ACOT9: variants seen among roughly 807,000 people sequenced by gnomAD.
ACOT9 encodes the protein acyl-coenzyme A thioesterase 9, mitochondrial.
In ACOT9, 34 loss-of-function variants were observed where a neutral mutation model predicts 39.7. The ratio of observed to expected loss-of-function variants is 0.86; its 90% CI spans 0.65 to 1.14. ACOT9 has a LOEUF of 1.14. Among genes scored for constraint, ACOT9 ranks in the 50% most tolerant of loss-of-function variants. The pLI is 0.00. For missense variants in ACOT9, 313 were observed against 344.1 expected, an observed-to-expected ratio of 0.91 and a Z score of 0.71; for synonymous variants, 110 against 120.5, an observed-to-expected ratio of 0.91 and a Z score of 0.57.
chrX:23,738,684 C>T (rs1459108154), intron 1 of ACOT9, among the ~76,000 whole-genome samples: 1 of 111,500 alleles, frequency 9.0e-6, no homozygotes, highest in Non-Finnish European at 1.9e-5. Flanking sequence ...CTTTCTATTG[C>T]TACCATTAGC....
chrX:23,730,718 A>G (rs979005464), intron 5 of ACOT9, 98 bp downstream of exon 5: 1 of 991,421 alleles, frequency 1.0e-6, no homozygotes, highest in Non-Finnish European at 1.4e-6. Flanking sequence ...GGAACTGTAC[A>G]CTTTAAACAG....
At chrX:23,704,337 ATTTTTTTTT>A (rs749027257) in intron 15 of ACOT9, among the ~76,000 whole-genome samples, 1 of 88,733 alleles carries the variant, frequency 1.1e-5, no homozygotes, top group Non-Finnish European at 2.2e-5. Context: ...TGCCCGGCTA[ATTTTTTTTT>A]TTTTTTTTTT....
chrX:23,743,038 C>T, intron 1 of ACOT9, 87 bp downstream of exon 1: 2 of 1,050,712 alleles, frequency 1.9e-6, no homozygotes, highest in Non-Finnish European at 2.5e-6. Flanking sequence ...CCCACTTCTT[C>T]CGCCGGGGCC....
In ACOT9 at chrX:23,705,559, G is replaced by A; in HGVS notation, c.969C>T (p.Phe323=). ...RNIFNRIFGG[F]LMRKAYELAW... ...CAAGTTCATATGCCTTCCTCATAAG[G>A]AAACCACCAAAGATCCGATTGAAAA... Residue 323 remains phenylalanine (F), a synonymous_variant, in exon 13 of 16, where the codon TTC becomes TTT. Coordinates refer to ENST00000379303, the MANE Select transcript of ACOT9 (RefSeq NM_001037171.2). The A allele has an allele frequency of 1.7e-6, 2 of 1,210,529 alleles. No individual in the cohort carries two copies. Among genetic ancestry groups the A allele is most frequent in the Non-Finnish European group, 2.2e-6 (2 of 894,954 alleles).
Position 23,703,962 on chromosome X carries a change from C to T in ACOT9, c.1279G>A (p.Gly427Arg). Reference sequence around the variant, plus strand: ...CTCATGGAGTTGAAATGCCGCTGCCCATCTAAGTACAACATGGACTCTGAA... The same window carrying T: ...CTCATGGAGTTGAAATGCCGCTGCCTATCTAAGTACAACATGGACTCTGAA... ...TYGESMLYLDGQRHFNSMSGP... is the reference protein window; with the variant it reads ...TYGESMLYLDRQRHFNSMSGP... The change falls in exon 16 of 16, where the codon GGG (glycine) becomes AGG (arginine). Residue 427 changes from glycine to arginine, a missense_variant. Gly to Arg is a moderately radical substitution (Grantham distance 125). Transcript: ENST00000379303. The T allele has an allele frequency of 8.3e-7, 1 of 1,209,991 alleles. No homozygotes were observed. Among genetic ancestry groups the T allele is most frequent in the Non-Finnish European group, 1.1e-6 (1 of 894,241 alleles).
At position 23,721,911 on chromosome X, in the gene ACOT9, T is replaced by C. The variant is rs1419779174; in HGVS notation, c.558A>G (p.Thr186=). The change falls in exon 8 of 16, where the codon ACA becomes ACG. Residue 186 remains threonine (T), a synonymous_variant. Coordinates refer to ENST00000379303, the MANE Select transcript of ACOT9 (RefSeq NM_001037171.2). ...FSGHVSWVGK[T]SMEVKMQMFQ... is the part of the protein sequence containing the mutation. ...ACATTTGCATCTTCACTTCCATGGA[T>C]GTCTTCCCGACCCAGCTAACATGGC... The C allele has an allele frequency of 4.1e-6, 5 of 1,209,261 alleles. No individual in the cohort carries two copies. The highest frequency in any genetic ancestry group is 2.2e-5 in the Admixed American group (1 of 45,621).
chrX:23,710,075 G>A (rs1928840691), intron 9 of ACOT9, among the ~76,000 whole-genome samples: 1 of 111,641 alleles, frequency 9.0e-6, no homozygotes, highest in Non-Finnish European at 1.9e-5. Context: ...ACTTTTAGTA[G>A]AGATGGGGAT....
At chrX:23,727,100 G>A (rs1022467833) in intron 6 of ACOT9, among the ~76,000 whole-genome samples, 8 of 112,497 alleles carry the variant, frequency 7.1e-5, no homozygotes, top group Non-Finnish European at 7.5e-5. Flanking sequence ...GATTACAGGC[G>A]TAAGCCACCC....
At chrX:23,717,857 G>A (rs1170802825) in intron 8 of ACOT9, among the ~76,000 whole-genome samples, 1 of 111,932 alleles carries the variant, frequency 8.9e-6, no homozygotes, top group African/African-American at 3.2e-5. Context: ...GGAGGCCGAG[G>A]CAGGCGGATC....
At chrX:23,733,065 G>A in intron 4 of ACOT9, 107 bp downstream of exon 4, 1 of 747,701 alleles carries the variant, frequency 1.3e-6, no homozygotes, top group South Asian at 2.6e-5. Context: ...ACCTATCTCT[G>A]AACATAGGGC....
chrX:23,734,013 G>A lies in ACOT9; in HGVS notation c.145+328C>T, dbSNP rs746360456. ...TGACCTCAGGTGATCCGCCTGCCTC[G>A]GCCTCCCAAAGTGCTGGGATTACAG... On this transcript the variant is annotated intron_variant, in intron 3 of 15. Transcript: ENST00000379303. Among the ~76,000 whole-genome samples, 6 of 111,424 alleles carry A rather than the reference G, an allele frequency of 5.4e-5. No individual in the cohort carries two copies. The South Asian group carries it at 1.1e-3, about 21-fold the overall frequency.
chrX:23,741,380 C>T (rs948568723), intron 1 of ACOT9, among the ~76,000 whole-genome samples: 21 of 109,388 alleles, frequency 1.9e-4, no homozygotes, highest in Admixed American at 1.4e-3. Context: ...AACTCAAGGC[C>T]TCCATGGCCT....
chrX:23,703,847 C>T lies in ACOT9; in HGVS notation c.*47G>A, dbSNP rs778599831. On this transcript the variant is annotated 3_prime_UTR_variant, in exon 16 of 16. Transcript: ENST00000379303. ...CACTCGATCAGGTCTTCATCAGATA[C>T]CACGTCACTGTGGGTAGAGTGCTAG... 14 of 1,065,544 alleles carry T rather than the reference C, an allele frequency of 1.3e-5. No individual in the cohort carries two copies. The highest frequency in any genetic ancestry group is 8.9e-5 in the Admixed American group (4 of 44,911). 87.8% of individuals were successfully genotyped at this position (1,065,544 alleles called of 1,213,427 possible).
rs1323910341 is a variant in ACOT9, at chrX:23,739,964, TA to T, written c.20+3160del. 7.2e-5 allele frequency among the ~76,000 whole-genome samples: 8 copies of T among 111,492 alleles called. No individual in the cohort carries two copies. In the Admixed American group the frequency reaches 7.7e-4, roughly 11 times the overall value. ...AGCCCCATTGCTTTGCATGCTGCCT[TA>T]AAAAATTTGGAAATACATTCCTGTG... On this transcript the variant is annotated intron_variant, in intron 1 of 15. Coordinates refer to ENST00000379303, the MANE Select transcript of ACOT9 (RefSeq NM_001037171.2).
Position 23,703,769 on chromosome X carries a change from C to T in ACOT9, c.*125G>A, listed in dbSNP as rs1928562051. ...TCTGCTTTTCTGATCATCCTAAAGG[C>T]TGAATACATCCTCCTCCTGTGTGGA... On this transcript the variant is annotated 3_prime_UTR_variant, in exon 16 of 16. Transcript: ENST00000379303. 1.9e-6 allele frequency: 1 copy of T among 517,722 alleles called. No individual in the cohort carries two copies. The highest frequency in any genetic ancestry group is 3.2e-5 in the South Asian group (1 of 30,922). 42.7% of individuals were successfully genotyped at this position (517,722 alleles called of 1,213,427 possible).
rs1928567711 is a variant in ACOT9, at chrX:23,703,898, G to A, written c.1343C>T (p.Pro448Leu). The A allele has an allele frequency of 8.3e-7, 1 of 1,208,846 alleles. No homozygotes were observed. The highest frequency in any genetic ancestry group is 1.8e-5 in the South Asian group (1 of 56,859). ...TTTTCAACAAATGTGGTGTTCTTAGGGCTCCACAAGGTAGTCCTTTCTCAA... is the reference window on the plus strand; with the variant it reads ...TTTTCAACAAATGTGGTGTTCTTAGAGCTCCACAAGGTAGTCCTTTCTCAA... Reference protein sequence around the residue: ...ATLRKDYLVEP With the variant: ...ATLRKDYLVEL Residue 448 changes from proline to leucine, a missense_variant, in exon 16 of 16, where the codon CCC becomes CTC. By Grantham distance (98) the Pro-to-Leu change is moderately conservative (BLOSUM62 -3). Coordinates refer to ENST00000379303, the MANE Select transcript of ACOT9 (RefSeq NM_001037171.2).
chrX:23,724,641 C>T (rs1404660056), intron 6 of ACOT9, among the ~76,000 whole-genome samples: 1 of 110,439 alleles, frequency 9.1e-6, no homozygotes, highest in Non-Finnish European at 1.9e-5. Flanking sequence ...GGCATGGTGG[C>T]GTGTGCCTGT....
rs777070439 is a variant in ACOT9 at position 23,707,428 on chromosome X, A to G, written c.730+449T>C. ...AAAGAATAGCATATTTTTAATTTCA[A>G]TAAATTATTGGTATGAATAAGACAT... On this transcript the variant is annotated intron_variant, in intron 10 of 15. Coordinates refer to ENST00000379303, the MANE Select transcript of ACOT9 (RefSeq NM_001037171.2). 1.2e-4 allele frequency among the ~76,000 whole-genome samples: 13 copies of G among 112,104 alleles called. No homozygotes were observed. In the South Asian group the frequency reaches 4.8e-3, roughly 41 times the overall value.
intron 9 of ACOT9, among the ~76,000 whole-genome samples, chrX:23,711,148 G>A (rs6629729): frequency 0.28 from 30,405 of 109,405 alleles, 3,441 homozygotes; most frequent in East Asian, 0.57. Context: ...GTGAAACCCC[G>A]TCTCTACTAT....
Sources: gnomAD v4.1 joint callset for allele counts (sites outside exome capture counted in the v4.1 genomes callset) on GRCh38, gnomAD v4.1.1 for gene constraint, MANE v1.5 for transcripts, NCBI Gene and HGNC (gene_info 2026-07-23, HGNC 2026-07-21) for gene names.